AUTS2: variants seen among roughly 807,000 people sequenced by gnomAD.
AUTS2 encodes autism susceptibility gene 2 protein.
A neutral mutation model predicts 112.4 loss-of-function variants in AUTS2; 17 were observed. The ratio of observed to expected loss-of-function variants is 0.15; its 90% CI spans 0.10 to 0.23. The LOEUF (loss-of-function observed/expected upper bound fraction) is 0.23. AUTS2 is among the 10% of genes least tolerant of loss of function. The pLI is 1.00. For missense variants in AUTS2, 1,510 were observed against 1,701.6 expected, an observed-to-expected ratio of 0.89 and a Z score of 1.98; for synonymous variants, 751 against 702.7, an observed-to-expected ratio of 1.07 and a Z score of -1.09.
intron 4 of AUTS2, among the ~76,000 whole-genome samples, chr7:70,256,976 A>G (rs913871460): frequency 6.6e-5 from 10 of 152,210 alleles, no homozygotes; most frequent in Non-Finnish European, 8.8e-5. Flanking sequence ...TGCCCCAGCT[A>G]TAATGGGTAG....
intron 4 of AUTS2, among the ~76,000 whole-genome samples, chr7:70,175,282 T>C (rs966735429): frequency 5.9e-5 from 9 of 152,302 alleles, no homozygotes; most frequent in Non-Finnish European, 1.3e-4. Flanking sequence ...TGCAATCTCA[T>C]CACCAAAATT....
intron 2 of AUTS2, among the ~76,000 whole-genome samples, chr7:69,966,902 C>A (rs1797655254): frequency 6.6e-6 from 1 of 152,092 alleles, no homozygotes; most frequent in Non-Finnish European, 1.5e-5. Context: ...AAGCGTCAAT[C>A]ATTTTTCCAA....
At chr7:70,290,372 C>G (rs1437825212) in intron 4 of AUTS2, 1 of 1,495,592 alleles carries the variant, frequency 6.7e-7, no homozygotes, top group Non-Finnish European at 8.9e-7. Flanking sequence ...TTTCAGAGAT[C>G]AGGGAAGATG....
intron 2 of AUTS2, among the ~76,000 whole-genome samples, chr7:70,034,844 A>G (rs1474990491): frequency 2.0e-5 from 3 of 152,136 alleles, no homozygotes; most frequent in African/African-American, 7.2e-5. Flanking sequence ...TTTAAAAATT[A>G]CTTTTTTAGA....
At chr7:70,075,860 T>A (rs1381983048) in intron 2 of AUTS2, among the ~76,000 whole-genome samples, 2 of 152,226 alleles carry the variant, frequency 1.3e-5, no homozygotes, top group East Asian at 3.8e-4. Context: ...TTATGCCATC[T>A]ATATTCCTTC....
At chr7:69,858,465 G>A (rs1353516008) in intron 1 of AUTS2, among the ~76,000 whole-genome samples, 1 of 152,186 alleles carries the variant, frequency 6.6e-6, no homozygotes, top group Non-Finnish European at 1.5e-5. Flanking sequence ...ATTGTAAAGA[G>A]AAGAGGTTGG....
chr7:70,168,427 C>A (rs1231018747), intron 4 of AUTS2, among the ~76,000 whole-genome samples: 1 of 152,202 alleles, frequency 6.6e-6, no homozygotes, highest in Non-Finnish European at 1.5e-5. Flanking sequence ...AGAGATTCTC[C>A]TGCCTCAGCC....
intron 1 of AUTS2, among the ~76,000 whole-genome samples, chr7:69,844,876 C>T (rs1320783947): frequency 6.6e-6 from 1 of 152,174 alleles, no homozygotes; most frequent in Non-Finnish European, 1.5e-5. Flanking sequence ...ACAGTATGGC[C>T]TCTCTCAGTC....
chr7:69,743,170 C>G (rs1474923633), intron 1 of AUTS2, among the ~76,000 whole-genome samples: 2 of 152,290 alleles, frequency 1.3e-5, no homozygotes, highest in East Asian at 3.9e-4. Context: ...TACCTAACCT[C>G]TCAGTGCCTC....
intron 1 of AUTS2, among the ~76,000 whole-genome samples, chr7:69,670,779 G>A (rs933709621): frequency 6.6e-6 from 1 of 151,954 alleles, no homozygotes; most frequent in South Asian, 2.1e-4. Flanking sequence ...TGGGAGGATC[G>A]CCTGAGCCTG....
intron 2 of AUTS2, among the ~76,000 whole-genome samples, chr7:69,972,080 A>G (rs1797871958): frequency 1.3e-5 from 2 of 152,170 alleles, no homozygotes; most frequent in Non-Finnish European, 2.9e-5. Context: ...TTACTTGCGC[A>G]TTCACCAGCA....
At chr7:70,540,250 T>C (rs1164750537) in intron 5 of AUTS2, among the ~76,000 whole-genome samples, 3 of 152,132 alleles carry the variant, frequency 2.0e-5, no homozygotes, top group Non-Finnish European at 4.4e-5. Context: ...TGCAGAAGTT[T>C]ACAGAAAACT....
intron 6 of AUTS2, among the ~76,000 whole-genome samples, chr7:70,757,777 A>ACTG: frequency 8.0e-6 from 1 of 124,254 alleles, no homozygotes; most frequent in Non-Finnish European, 1.7e-5. Flanking sequence ...CACTGCTGTT[A>ACTG]CTGTTTTCTT....
At chr7:70,499,553 C>G (rs1487297645) in intron 5 of AUTS2, among the ~76,000 whole-genome samples, 1 of 152,222 alleles carries the variant, frequency 6.6e-6, no homozygotes, top group East Asian at 1.9e-4. Context: ...CAATTACGTA[C>G]CACTCCCAAG....
intron 4 of AUTS2, among the ~76,000 whole-genome samples, chr7:70,258,822 T>C (rs1471453771): frequency 6.6e-6 from 1 of 152,178 alleles, no homozygotes; most frequent in Non-Finnish European, 1.5e-5. Context: ...TCTAACAAGC[T>C]TGATGACATT....
chr7:70,247,971 G>C (rs1291743969), intron 4 of AUTS2, among the ~76,000 whole-genome samples: 5 of 152,208 alleles, frequency 3.3e-5, no homozygotes, highest in Middle Eastern at 3.4e-3. Flanking sequence ...ATGATTTATT[G>C]AAATGATGAT....
rs75191524 is a variant in AUTS2, at chr7:69,816,337, G to A, written c.310-82949G>A. Among the ~76,000 whole-genome samples, 560 of 152,268 alleles carry A rather than the reference G, an allele frequency of 3.7e-3. 5 individuals are homozygous for A. Among genetic ancestry groups the A allele is most frequent in the African/African-American group, 0.013 (537 of 41,554 alleles). ...AATATTAGCAGATTGAATCAGTTGG[G>A]GTTAGTACTTTCTTTTATGTGTTAA... On this transcript the variant is annotated intron_variant, in intron 1 of 18. Transcript: ENST00000342771.
chr7:70,747,631 G>GTTTTGTTTTTGT lies in AUTS2; in HGVS notation c.743-15217_743-15206dup, dbSNP rs530024962. 9.9e-3 allele frequency among the ~76,000 whole-genome samples: 1,509 copies of GTTTTGTTTTTGT among 151,690 alleles called. 30 individuals are homozygous for GTTTTGTTTTTGT. Among genetic ancestry groups the GTTTTGTTTTTGT allele is most frequent in the African/African-American group, 0.034 (1,396 of 41,198 alleles). On this transcript the variant is annotated intron_variant, in intron 6 of 18. Transcript: ENST00000342771. ...CCACCACCACACCTGGCTATGTTTT[G>GTTTTGTTTTTGT]TTTTGTTTTTGTTTTTGTTTTTGTT...
chr7:70,517,001 A>G (rs2129494059), intron 5 of AUTS2, among the ~76,000 whole-genome samples: 1 of 152,236 alleles, frequency 6.6e-6, no homozygotes. Context: ...ATTAGGTGCA[A>G]TTTTCTCTCC....
Sources: allele counts gnomAD v4.1 joint callset (sites outside exome capture counted in the v4.1 genomes callset), GRCh38; gene constraint gnomAD v4.1.1; transcripts MANE v1.5; gene names NCBI Gene and HGNC (gene_info 2026-07-23, HGNC 2026-07-21).